The following SLCO5A1 variants were observed in gnomAD, a reference collection of about 807,000 sequenced individuals.
SLCO5A1 encodes solute carrier organic anion transporter family member 5A1.
SLCO5A1 carries 39 observed loss-of-function variants against 65.1 expected under a neutral mutation model. The observed-to-expected ratio is 0.60, with a 90% CI of 0.46 to 0.78. SLCO5A1 has a LOEUF of 0.78. Among genes scored for constraint, SLCO5A1 ranks in the 30% least tolerant of loss-of-function variants. The pLI, the probability that SLCO5A1 is intolerant of heterozygous loss-of-function variation, is 0.00. For missense variants in SLCO5A1, 1,029 were observed against 1,069.4 expected (o/e 0.96, Z 0.53); for synonymous variants, 438 against 415.7 (o/e 1.05, Z -0.65).
chr8:69,826,116 T>C (rs1204373510), intron 2 of SLCO5A1, among the ~76,000 whole-genome samples: 2 of 152,202 alleles, frequency 1.3e-5, no homozygotes, highest in East Asian at 1.9e-4. Context: ...TTACACCTTA[T>C]ACAAAAGTTA....
chr8:69,812,630 T>C (rs911564255), intron 2 of SLCO5A1, among the ~76,000 whole-genome samples: 5 of 152,170 alleles, frequency 3.3e-5, no homozygotes, highest in African/African-American at 1.2e-4. Flanking sequence ...AGAAAGTGTG[T>C]ACAGAGGAGA....
rs369024527 is a variant in SLCO5A1, at chr8:69,818,440, G to C, written c.907+13327C>G. Among the ~76,000 whole-genome samples the C allele has an allele frequency of 2.0e-5, 3 of 152,174 alleles. No homozygotes were observed. In the East Asian group the frequency reaches 5.8e-4, roughly 29 times the overall value. ...TTTATAGAAACAGAATCTGCATCTT[G>C]ACAAGATCCCCTGAGAGTCTCACAC... On this transcript the variant is annotated intron_variant, in intron 2 of 9. Transcript: ENST00000260126.
rs543315699 is a variant in SLCO5A1 at position 69,711,184 on chromosome 8, TCCCGGCAGA to T, written c.1424-5964_1424-5956del. The stretch of plus-strand genomic sequence containing the variant: ...AAAGATAAATAGAAAAGATGGGTTC[TCCCGGCAGA>T]AGTTACGGTCCTGCCGCTAGCCCTC... On this transcript the variant is annotated intron_variant, in intron 5 of 9. Transcript: ENST00000260126. Among the ~76,000 whole-genome samples, 182 of 152,226 alleles carry T rather than the reference TCCCGGCAGA, an allele frequency of 1.2e-3. 1 individual carries two copies. The highest frequency in any genetic ancestry group is 4.2e-3 in the African/African-American group (176 of 41,544).
intron 2 of SLCO5A1, among the ~76,000 whole-genome samples, chr8:69,764,039 A>G (rs1377645584): frequency 2.0e-5 from 3 of 152,040 alleles, no homozygotes; most frequent in Non-Finnish European, 4.4e-5. Flanking sequence ...TAATTTTTGT[A>G]TTTTTAGTAG....
chr8:69,825,260 G>A (rs1250866661), intron 2 of SLCO5A1, among the ~76,000 whole-genome samples: 2 of 152,182 alleles, frequency 1.3e-5, no homozygotes, highest in Non-Finnish European at 2.9e-5. Flanking sequence ...TCAACATAGT[G>A]TTGGGAAGTT....
chr8:69,690,052 C>CG (rs55688287), intron 6 of SLCO5A1, among the ~76,000 whole-genome samples: 9 of 151,882 alleles, frequency 5.9e-5, no homozygotes, highest in African/African-American at 9.7e-5. Flanking sequence ...TTTGCGGGTA[C>CG]GGGGGGGCGC....
intron 2 of SLCO5A1, among the ~76,000 whole-genome samples, chr8:69,819,296 T>A (rs1004738008): frequency 1.3e-5 from 2 of 151,890 alleles, no homozygotes; most frequent in African/African-American, 4.8e-5. Context: ...ACTTTAGTCC[T>A]GCTCATTCCT....
chr8:69,819,677 C>G (rs1285303576), intron 2 of SLCO5A1, among the ~76,000 whole-genome samples: 1 of 152,148 alleles, frequency 6.6e-6, no homozygotes, highest in African/African-American at 2.4e-5. Flanking sequence ...AAAAACAGTT[C>G]TGGGCCAGGC....
rs140569466 is a variant in SLCO5A1 at position 69,707,099 on chromosome 8, C to T, written c.1424-1870G>A. 5.6e-3 allele frequency among the ~76,000 whole-genome samples: 849 copies of T among 152,180 alleles called. 9 individuals are homozygous for T. Among genetic ancestry groups the T allele is most frequent in the African/African-American group, 0.02 (813 of 41,506 alleles). On this transcript the variant is annotated intron_variant, in intron 5 of 9. Transcript: ENST00000260126. ...CCCTAGAGGCAGAGGTTGCAGTAAGCCAAGATCGTGCCGCTGCACTCCAGC... is the reference window on the plus strand; with the variant it reads ...CCCTAGAGGCAGAGGTTGCAGTAAGTCAAGATCGTGCCGCTGCACTCCAGC...
At chr8:69,768,006 G>A (rs757296105) in intron 2 of SLCO5A1, among the ~76,000 whole-genome samples, 3 of 151,932 alleles carry the variant, frequency 2.0e-5, no homozygotes, top group Non-Finnish European at 2.9e-5. Flanking sequence ...GCTGAGGCAG[G>A]CTGATTGCTT....
intron 5 of SLCO5A1, among the ~76,000 whole-genome samples, chr8:69,722,471 T>C (rs1815871476): frequency 6.6e-6 from 1 of 152,236 alleles, no homozygotes; most frequent in South Asian, 2.1e-4. Context: ...CTTAATATTA[T>C]TTAATCTTAT....
rs536105637 is a variant in SLCO5A1, at chr8:69,768,253, A to G, written c.908-6378T>C. On this transcript the variant is annotated intron_variant, in intron 2 of 9. Transcript: ENST00000260126. ...CCTCTTTGGACATGGGAGGCATTCA[A>G]TATGAATTTTTTATAGATTGATTAC... 2.0e-5 allele frequency among the ~76,000 whole-genome samples: 3 copies of G among 152,298 alleles called. No individual in the cohort carries two copies. The East Asian group carries it at 5.8e-4, about 29-fold the overall frequency.
Position 69,832,897 on chromosome 8 carries a change from G to A in SLCO5A1, c.-224C>T. On this transcript the variant is annotated 5_prime_UTR_variant, in exon 2 of 10. Coordinates refer to ENST00000260126, the MANE Select transcript of SLCO5A1 (RefSeq NM_030958.3). The surrounding 1 kb of genome is among the most constrained non-coding windows in gnomAD (Gnocchi z 4.5). Reference sequence around the variant, plus strand: ...GGCTCCGCAGCCGCGTGCCACAGGGGGCAGGGGTCCGCGCGGTACTGCGAT... The same window carrying A: ...GGCTCCGCAGCCGCGTGCCACAGGGAGCAGGGGTCCGCGCGGTACTGCGAT... The A allele has an allele frequency of 1.7e-6, 1 of 593,416 alleles. No homozygotes were observed. The highest frequency in any genetic ancestry group is 2.0e-5 in the South Asian group (1 of 49,256). The allele number at this position is 593,416 out of a possible 1,614,324, so 36.8% of individuals were successfully genotyped here.
At chr8:69,827,089 T>C (rs565620810) in intron 2 of SLCO5A1, among the ~76,000 whole-genome samples, 6 of 138,706 alleles carry the variant, frequency 4.3e-5, no homozygotes, top group East Asian at 2.1e-4. Context: ...TAGGTGGAAA[T>C]TGAACAATGA....
At chr8:69,726,515 G>C (rs1343395010) in intron 5 of SLCO5A1, among the ~76,000 whole-genome samples, 3 of 85,990 alleles carry the variant, frequency 3.5e-5, no homozygotes, top group African/African-American at 6.9e-5. Context: ...TTTTTTTTTT[G>C]GGGGGACAGA....
chr8:69,705,359 G>T, intron 5 of SLCO5A1, 130 bp from the exon 6 acceptor site: 2 of 717,198 alleles, frequency 2.8e-6, no homozygotes, highest in Non-Finnish European at 4.6e-6. Flanking sequence ...CATCTTCATT[G>T]TGTGTGATTT....
intron 2 of SLCO5A1, among the ~76,000 whole-genome samples, chr8:69,781,768 C>A (rs1818804130): frequency 1.3e-5 from 2 of 152,116 alleles, no homozygotes; most frequent in Non-Finnish European, 1.5e-5. Context: ...AGCAATTCTC[C>A]TGCCTCAGCC....
At chr8:69,699,334 T>C (rs894967976) in intron 6 of SLCO5A1, among the ~76,000 whole-genome samples, 1 of 151,992 alleles carries the variant, frequency 6.6e-6, no homozygotes, top group African/African-American at 2.4e-5. Flanking sequence ...CCAGGCCCGT[T>C]CCCCCAACTC....
chr8:69,729,195 A>G (rs1816222807), intron 5 of SLCO5A1, among the ~76,000 whole-genome samples: 1 of 152,208 alleles, frequency 6.6e-6, no homozygotes, highest in South Asian at 2.1e-4. Flanking sequence ...CTGTAATCCC[A>G]GCACTTTGGG....
Sources: gnomAD v4.1 joint callset for allele counts (sites outside exome capture counted in the v4.1 genomes callset) on GRCh38, gnomAD v4.1.1 for gene constraint, Gnocchi (gnomAD v3.1) non-coding constraint, MANE v1.5 for transcripts, NCBI Gene and HGNC (gene_info 2026-07-23, HGNC 2026-07-21) for gene names.